The following ZNF804A variants were observed in gnomAD, a reference collection of about 807,000 sequenced individuals.
ZNF804A encodes the protein zinc finger protein 804A.
In ZNF804A, 2 loss-of-function variants were observed where a neutral mutation model predicts 16.5. The ratio of observed to expected loss-of-function variants is 0.12; its 90% confidence interval spans 0.05 to 0.38. The LOEUF (loss-of-function observed/expected upper bound fraction) is 0.38, where lower values mean the gene tolerates loss of function less well. Among genes scored for constraint, ZNF804A ranks in the 10% least tolerant of loss-of-function variants. The probability of loss-of-function intolerance (pLI) is 0.99; values close to 1 mark genes in which losing one functional copy is unlikely to be tolerated. For synonymous variants in ZNF804A, 534 were observed against 489.6 expected, an observed-to-expected ratio of 1.09 and a Z score of -1.20; for missense variants, 1,473 against 1,390.7, an observed-to-expected ratio of 1.06 and a Z score of -0.94.
intron 1 of ZNF804A, among the ~76,000 whole-genome samples, chr2:184,715,289 AG>A (rs1439340598): frequency 6.6e-6 from 1 of 152,182 alleles, no homozygotes; most frequent in Non-Finnish European, 1.5e-5. Flanking sequence ...GTTTAGTTAA[AG>A]TGCAGTTAAA....
At chr2:184,914,636 G>GA (rs1240741870) in intron 2 of ZNF804A, among the ~76,000 whole-genome samples, 4 of 151,994 alleles carry the variant, frequency 2.6e-5, no homozygotes, top group Admixed American at 1.3e-4. Context: ...TAAAGAAGGA[G>GA]AAAACACTTG....
chr2:184,797,356 G>T (rs761018344), intron 1 of ZNF804A, among the ~76,000 whole-genome samples: 1 of 151,136 alleles, frequency 6.6e-6, no homozygotes, highest in Non-Finnish European at 1.5e-5. Flanking sequence ...TCCTGTTGGA[G>T]AAGGCTTTTT....
chr2:184,888,607 G>A (rs1379071453), intron 2 of ZNF804A, among the ~76,000 whole-genome samples: 1 of 152,084 alleles, frequency 6.6e-6, no homozygotes, highest in Non-Finnish European at 1.5e-5. Context: ...GTGCCATAAA[G>A]TTTAAACATC....
At position 184,740,696 on chromosome 2, in the gene ZNF804A, C is replaced by T. The variant is rs114648976; in HGVS notation, c.112-125673C>T. 9.1e-3 allele frequency among the ~76,000 whole-genome samples: 1,381 copies of T among 152,200 alleles called. 23 individuals carry two copies. The highest frequency in any genetic ancestry group is 0.032 in the African/African-American group (1,320 of 41,538). On this transcript the variant is annotated intron_variant, in intron 1 of 3. Coordinates refer to ENST00000302277, the MANE Select transcript of ZNF804A (RefSeq NM_194250.2). ...GTTAGTAAATTTAAAATTTTAGTAACATTCTGTCTTATATTCAACTTATTT... is the reference window on the plus strand; with the variant it reads ...GTTAGTAAATTTAAAATTTTAGTAATATTCTGTCTTATATTCAACTTATTT...
intron 1 of ZNF804A, among the ~76,000 whole-genome samples, chr2:184,821,150 A>G (rs936661660): frequency 2.0e-5 from 3 of 151,946 alleles, no homozygotes; most frequent in African/African-American, 7.2e-5. Context: ...GCATCATGCT[A>G]CTGACTTCAA....
At chr2:184,800,542 T>C (rs1003474114) in intron 1 of ZNF804A, among the ~76,000 whole-genome samples, 11 of 151,722 alleles carry the variant, frequency 7.3e-5, no homozygotes, top group African/African-American at 2.7e-4. Flanking sequence ...GACCTGTATG[T>C]TACTTAAAAG....
chr2:184,685,521 A>G (rs1692614414), intron 1 of ZNF804A, among the ~76,000 whole-genome samples: 1 of 152,096 alleles, frequency 6.6e-6, no homozygotes, highest in Non-Finnish European at 1.5e-5. Flanking sequence ...TATGCGGACA[A>G]TTGGAGCATG....
intron 1 of ZNF804A, among the ~76,000 whole-genome samples, chr2:184,729,199 AGTAT>A (rs1693472283): frequency 6.6e-6 from 1 of 152,044 alleles, no homozygotes; most frequent in African/African-American, 2.4e-5. Flanking sequence ...ACAAAATATA[AGTAT>A]GTGAGGTAAT....
intron 1 of ZNF804A, among the ~76,000 whole-genome samples, chr2:184,658,846 C>G (rs1692122772): frequency 6.6e-6 from 1 of 152,202 alleles, no homozygotes; most frequent in Non-Finnish European, 1.5e-5. Flanking sequence ...GCAAAACAAA[C>G]TTACCTGAAT....
chr2:184,644,259 A>G (rs1466537641), intron 1 of ZNF804A, among the ~76,000 whole-genome samples: 3 of 151,656 alleles, frequency 2.0e-5, no homozygotes, highest in East Asian at 3.9e-4. Context: ...AAAATACCTC[A>G]TCTGTTACAT....
intron 1 of ZNF804A, among the ~76,000 whole-genome samples, chr2:184,762,021 C>T (rs143523422): frequency 1.6e-4 from 25 of 152,104 alleles, no homozygotes; most frequent in African/African-American, 4.3e-4. Context: ...AAACTGCTGA[C>T]GTATAGCTTA....
chr2:184,881,995 G>GT (rs776021713), intron 2 of ZNF804A, among the ~76,000 whole-genome samples: 1 of 151,998 alleles, frequency 6.6e-6, no homozygotes, highest in Non-Finnish European at 1.5e-5. Context: ...GCACAAAATT[G>GT]TAAGTTGGAT....
chr2:184,767,893 A>G (rs1694154383), intron 1 of ZNF804A, among the ~76,000 whole-genome samples: 1 of 152,100 alleles, frequency 6.6e-6, no homozygotes, highest in Non-Finnish European at 1.5e-5. Flanking sequence ...GTTCGCTACT[A>G]AAGCATTCTT....
At chr2:184,813,853 C>G (rs563006007) in intron 1 of ZNF804A, among the ~76,000 whole-genome samples, 2 of 151,884 alleles carry the variant, frequency 1.3e-5, no homozygotes, top group Non-Finnish European at 2.9e-5. Context: ...TTTCTTTAGA[C>G]CTCTGCTATT....
intron 2 of ZNF804A, among the ~76,000 whole-genome samples, chr2:184,904,494 A>G (rs1685238872): frequency 6.6e-6 from 1 of 152,100 alleles, no homozygotes; most frequent in Non-Finnish European, 1.5e-5. Flanking sequence ...TTATACATTT[A>G]GTTTCACAGG....
chr2:184,895,904 A>C (rs185985816), intron 2 of ZNF804A, among the ~76,000 whole-genome samples: 3 of 152,288 alleles, frequency 2.0e-5, no homozygotes, highest in Admixed American at 6.5e-5. Flanking sequence ...CTTTCATTTT[A>C]AAAATATATA....
intron 1 of ZNF804A, among the ~76,000 whole-genome samples, chr2:184,623,725 T>C (rs755397291): frequency 3.7e-4 from 56 of 152,248 alleles, no homozygotes; most frequent in Non-Finnish European, 6.8e-4. Context: ...CTGACCACAA[T>C]CTTTAAAAAA....
At chr2:184,819,215 A>AC (rs1695033502) in intron 1 of ZNF804A, among the ~76,000 whole-genome samples, 1 of 151,896 alleles carries the variant, frequency 6.6e-6, no homozygotes, top group African/African-American at 2.4e-5. Flanking sequence ...ATTAAAAAAA[A>AC]AGTCTGTCAG....
chr2:184,729,758 A>C (rs146674277), intron 1 of ZNF804A, among the ~76,000 whole-genome samples: 1 of 152,134 alleles, frequency 6.6e-6, no homozygotes, highest in Non-Finnish European at 1.5e-5. Context: ...TAGTGTCTAG[A>C]TATCTTGACA....
Sources: allele counts gnomAD v4.1 joint callset (sites outside exome capture counted in the v4.1 genomes callset), GRCh38; gene constraint gnomAD v4.1.1; transcripts MANE v1.5; gene names NCBI Gene and HGNC (gene_info 2026-07-23, HGNC 2026-07-21).